CUBN: variants seen among roughly 807,000 people sequenced by gnomAD.
The protein encoded by CUBN is 460 kDa receptor.
A neutral mutation model predicts 405.3 loss-of-function variants in CUBN; 282 were observed. The observed-to-expected ratio is 0.70, with a 90% confidence interval of 0.63 to 0.77. CUBN has a LOEUF of 0.77. Ranked by LOEUF, CUBN falls within the 30% of genes least tolerant of loss-of-function variation. The pLI is 0.00. For synonymous variants in CUBN, 1,684 were observed against 1,617.0 expected (o/e 1.04, Z -0.99); for missense variants, 4,514 against 4,475.2 (o/e 1.01, Z -0.25).
rs867402281 is a variant in CUBN at position 17,070,838 on chromosome 10, C to T, written c.2625+588G>A. ...AGAATTTTACTCGTTCCCTTTCATTCTGGATGCATTTTATCTCTTCTCCTT... is the reference window on the plus strand; with the variant it reads ...AGAATTTTACTCGTTCCCTTTCATTTTGGATGCATTTTATCTCTTCTCCTT... On this transcript the variant is annotated intron_variant, in intron 19 of 66. Coordinates refer to ENST00000377833, the MANE Select transcript of CUBN (RefSeq NM_001081.4). 4.9e-4 allele frequency among the ~76,000 whole-genome samples: 74 copies of T among 152,266 alleles called. 1 individual carries two copies. The highest frequency in any genetic ancestry group is 1.6e-3 in the African/African-American group (67 of 41,550).
In CUBN at chr10:17,127,906, CT is replaced by C. The variant is rs1205401576; in HGVS notation, c.270del (p.Asp91IlefsTer3). ...ECLHQIQKNKEDIIELKGSAI... is the reference protein window; with the variant it reads ...ECLHQIQKNKXDIIELKGSAI... ...GCACTCCCTTTTAACTCTATAATAT[CT>C]TCTTTGTTTTTCTGGATCTAATTTT... On this transcript the variant is annotated frameshift_variant, in exon 3 of 67. Coordinates refer to ENST00000377833, the MANE Select transcript of CUBN (RefSeq NM_001081.4). LOFTEE classifies it high-confidence loss of function. 1 of 1,606,816 alleles carries C rather than the reference CT, an allele frequency of 6.2e-7. No homozygotes were observed. The highest frequency in any genetic ancestry group is 8.5e-7 in the Non-Finnish European group (1 of 1,174,488).
chr10:16,900,988 C>G, intron 52 of CUBN, 138 bp from the exon 53 acceptor site: 1 of 745,986 alleles, frequency 1.3e-6, no homozygotes, highest in East Asian at 2.7e-5. Context: ...CCCTTCCCCT[C>G]TACTTTTTTT....
chr10:16,874,343 T>A (rs1359303102), intron 58 of CUBN, 31 bp downstream of exon 58: 1 of 1,612,974 alleles, frequency 6.2e-7, no homozygotes. Flanking sequence ...CTGAAAGGAT[T>A]TTCTTAAGAA....
rs1834442753 is a variant in CUBN at position 17,019,827 on chromosome 10, G to T, written c.4168+6C>A. 1 of 1,613,918 alleles carries T rather than the reference G, an allele frequency of 6.2e-7. No individual in the cohort carries two copies. Among genetic ancestry groups the T allele is most frequent in the Admixed American group, 1.7e-5 (1 of 59,996 alleles). The stretch of plus-strand genomic sequence containing the variant: ...CAAATACAACTGAGATCAGCACCTG[G>T]CTTACCGTAAACAAACCACTGCATC... On this transcript the variant is annotated splice_donor_region_variant and intron_variant, in intron 28 of 66. Coordinates refer to ENST00000377833, the MANE Select transcript of CUBN (RefSeq NM_001081.4).
chr10:16,961,376 T>C (rs930248681), intron 31 of CUBN, among the ~76,000 whole-genome samples: 8 of 152,200 alleles, frequency 5.3e-5, no homozygotes, highest in African/African-American at 1.9e-4. Flanking sequence ...TTAATTTTCA[T>C]ACCTGATGCT....
rs189294363 is a variant in CUBN at position 17,043,833 on chromosome 10, G to A, written c.3823C>T (p.Arg1275Trp). The change falls in exon 26 of 67, where the codon CGG becomes TGG. Residue 1275 changes from arginine (R) to tryptophan (W), a missense_variant. Physicochemically the swap from Arg to Trp is moderately radical, Grantham distance 101 (BLOSUM62 -3). Transcript: ENST00000377833. ...TGCCGGTATTCACACTTACTCTGCCGGTATTCAGCCTTGAAGCCACGTCCT... is the reference window on the plus strand; with the variant it reads ...TGCCGGTATTCACACTTACTCTGCCAGTATTCAGCCTTGAAGCCACGTCCT... ...QQGRGFKAEY[R>W]QTCENVVIVN... 110 of 1,612,854 alleles carry A rather than the reference G, an allele frequency of 6.8e-5. 2 individuals carry two copies. In the South Asian group the frequency reaches 8.8e-4, roughly 13 times the overall value.
intron 15 of CUBN, among the ~76,000 whole-genome samples, chr10:17,087,384 C>G (rs553862993): frequency 5.9e-5 from 9 of 151,300 alleles, no homozygotes; most frequent in Non-Finnish European, 1.2e-4. Flanking sequence ...GAAGGAGCTT[C>G]GGCTGATACC....
Position 16,907,631 on chromosome 10 carries a change from T to C in CUBN, c.7582A>G (p.Ser2528Gly), listed in dbSNP as rs1047710609. Residue 2528 changes from serine to glycine, a missense_variant, in exon 49 of 67, where the codon AGT becomes GGT. By Grantham distance (56) the Ser-to-Gly change is moderately conservative. Around this residue, in one of 5 missense-constraint regions of CUBN, gnomAD observed 1,613 missense variants for 1,542.8 expected, o/e 1.05. Transcript: ENST00000377833. ...SNSPQLEKLCSSVNVSNEIKS... is the reference protein window; with the variant it reads ...SNSPQLEKLCGSVNVSNEIKS... Reference sequence around the variant, plus strand: ...ATCTCATTGCTTACATTCACACTACTACACAGTTTCTCTAGCTGGGGTGAG... The same window carrying C: ...ATCTCATTGCTTACATTCACACTACCACACAGTTTCTCTAGCTGGGGTGAG... The C allele has an allele frequency of 6.2e-7, 1 of 1,612,812 alleles. No individual in the cohort carries two copies. Among genetic ancestry groups the C allele is most frequent in the East Asian group, 2.2e-5 (1 of 44,888 alleles).
chr10:17,005,317 G>A (rs1485484053), intron 28 of CUBN, among the ~76,000 whole-genome samples: 1 of 152,106 alleles, frequency 6.6e-6, no homozygotes, highest in African/African-American at 2.4e-5. Context: ...TCTCAACCAT[G>A]AAAATTTAAT....
At chr10:17,000,685 G>A (rs1290255662) in intron 28 of CUBN, among the ~76,000 whole-genome samples, 2 of 152,166 alleles carry the variant, frequency 1.3e-5, no homozygotes, top group African/African-American at 2.4e-5. Context: ...AGGCACCATC[G>A]TGCTACTTAT....
At chr10:16,848,996 A>C (rs1839600534) in intron 60 of CUBN, among the ~76,000 whole-genome samples, 1 of 151,648 alleles carries the variant, frequency 6.6e-6, no homozygotes, top group South Asian at 2.1e-4. Flanking sequence ...GAGTCACCGC[A>C]CTCGGCCGGC....
At chr10:16,853,233 GCCCTAGTAGGAA>G (rs1183080645) in intron 59 of CUBN, among the ~76,000 whole-genome samples, 34 of 152,170 alleles carry the variant, frequency 2.2e-4, no homozygotes, top group Admixed American at 2.2e-3. Context: ...GCTCAAAATA[GCCCTAGTAGGAA>G]CAGGGATTAA....
At chr10:16,939,251 T>C in intron 37 of CUBN, 104 bp from the exon 38 acceptor site, 1 of 889,744 alleles carries the variant, frequency 1.1e-6, no homozygotes, top group Non-Finnish European at 1.8e-6. Flanking sequence ...GGACTTTTAA[T>C]TGACTGTGAT....
intron 17 of CUBN, among the ~76,000 whole-genome samples, chr10:17,077,754 C>T (rs1334910168): frequency 6.6e-6 from 1 of 152,084 alleles, no homozygotes; most frequent in East Asian, 1.9e-4. Flanking sequence ...GAATGAGGCC[C>T]TGCCCCCAGT....
At chr10:17,075,044 G>A (rs1379513267) in intron 17 of CUBN, among the ~76,000 whole-genome samples, 1 of 148,510 alleles carries the variant, frequency 6.7e-6, no homozygotes, top group African/African-American at 2.5e-5. Flanking sequence ...AGGCAAACAG[G>A]TAGTAAAGAG....
intron 54 of CUBN, among the ~76,000 whole-genome samples, chr10:16,896,492 A>T (rs1222640575): frequency 6.6e-6 from 1 of 152,216 alleles, no homozygotes; most frequent in East Asian, 1.9e-4. Context: ...TTGTCAATTC[A>T]TTAGGGCCTC....
In CUBN at chr10:17,115,487, C is replaced by T. The variant is rs752992672; in HGVS notation, c.704G>A (p.Arg235Gln). 2 of 1,613,990 alleles carry T rather than the reference C, an allele frequency of 1.2e-6. No homozygotes were observed. The highest frequency in any genetic ancestry group is 2.2e-5 in the East Asian group (1 of 44,862). Residue 235 changes from arginine (R) to glutamine (Q), a missense_variant, in exon 7 of 67, where the codon CGA (arginine) becomes CAA (glutamine). By Grantham distance (43) the Arg-to-Gln change is conservative. Transcript: ENST00000377833. Reference protein sequence around the residue: ...CVHGICEDLMREQAGEPKYSC... With the variant: ...CVHGICEDLMQEQAGEPKYSC... ...GGGACCCACCTCTCCAGCTTGCTCT[C>T]GCATTAAATCCTCACAGATGCCATG...
intron 31 of CUBN, among the ~76,000 whole-genome samples, chr10:16,978,664 G>A (rs1833170374): frequency 6.6e-6 from 1 of 152,130 alleles, no homozygotes; most frequent in Non-Finnish European, 1.5e-5. Flanking sequence ...GAAACTATCA[G>A]GACACTAACA....
At chr10:16,867,326 A>G (rs752704366) in intron 59 of CUBN, among the ~76,000 whole-genome samples, 1 of 152,224 alleles carries the variant, frequency 6.6e-6, no homozygotes, top group African/African-American at 2.4e-5. Context: ...ATCCAAAGCT[A>G]TAACTAAACG....
Sources: allele counts gnomAD v4.1 joint callset (sites outside exome capture counted in the v4.1 genomes callset), GRCh38; gene constraint gnomAD v4.1.1; regional missense constraint gnomAD v4.1.1; transcripts MANE v1.5; gene names NCBI Gene and HGNC (gene_info 2026-07-23, HGNC 2026-07-21).